Variants in HCN1 observed in about 807,000 individuals in gnomAD.
HCN1 encodes hyperpolarization activated cyclic nucleotide gated potassium channel 1.
In HCN1, 13 loss-of-function variants were observed where a neutral mutation model predicts 78.9. That is an observed-to-expected ratio of 0.16 (90% CI 0.11 to 0.26). HCN1 has a LOEUF of 0.26. Among genes scored for constraint, HCN1 ranks in the 10% least tolerant of loss-of-function variants. The pLI, the probability that HCN1 is intolerant of heterozygous loss-of-function variation, is 1.00. For synonymous variants in HCN1, 552 were observed against 455.5 expected (o/e 1.21, Z -2.70); for missense variants, 810 against 1,154.3 (o/e 0.70, Z 4.32).
chr5:45,315,278 C>T (rs561690281), intron 5 of HCN1, among the ~76,000 whole-genome samples: 2 of 152,304 alleles, frequency 1.3e-5, no homozygotes, highest in East Asian at 3.9e-4. Flanking sequence ...AACCGCTCAA[C>T]TACATGGAAA....
At chr5:45,308,634 G>T (rs1745786388) in intron 5 of HCN1, among the ~76,000 whole-genome samples, 1 of 152,000 alleles carries the variant, frequency 6.6e-6, no homozygotes, top group Non-Finnish European at 1.5e-5. Context: ...TATATATCAT[G>T]CATTTTCAAT....
In HCN1 at chr5:45,295,648, T is replaced by A. The variant is rs1161508509; in HGVS notation, c.1618+7951A>T. On this transcript the variant is annotated intron_variant, in intron 6 of 7. Transcript: ENST00000303230. ...TGAGTTTGATCTTTCTTTAAATAAG[T>A]CTCCTTAGCTTACTATTCTGCCCTC... Among the ~76,000 whole-genome samples, 3 of 152,140 alleles carry A rather than the reference T, an allele frequency of 2.0e-5. No individual in the cohort carries two copies. The East Asian group carries it at 5.8e-4, about 30-fold the overall frequency.
intron 2 of HCN1, among the ~76,000 whole-genome samples, chr5:45,541,101 A>G (rs191085432): frequency 4.6e-5 from 7 of 152,338 alleles, no homozygotes; most frequent in Non-Finnish European, 1.0e-4. Context: ...GAGAAGACCT[A>G]AACTATTGCC....
chr5:45,695,626 G>C, intron 1 of HCN1, 43 bp downstream of exon 1: 1 of 1,589,514 alleles, frequency 6.3e-7, no homozygotes, highest in African/African-American at 1.3e-5. Context: ...GCGTTTCAGG[G>C]CGCGCCTGAA....
intron 6 of HCN1, among the ~76,000 whole-genome samples, chr5:45,292,286 C>T (rs1579784270): frequency 6.6e-6 from 1 of 151,940 alleles, no homozygotes; most frequent in African/African-American, 2.4e-5. Context: ...TGGCTATTAA[C>T]ATTTAATTCA....
chr5:45,567,404 T>G (rs1209596582), intron 2 of HCN1, among the ~76,000 whole-genome samples: 5 of 152,000 alleles, frequency 3.3e-5, no homozygotes, highest in Non-Finnish European at 5.9e-5. Context: ...GTGAGGAATA[T>G]CCATAAAAAA....
At chr5:45,376,254 ATATAGAATATATAT>A in intron 4 of HCN1, among the ~76,000 whole-genome samples, 8 of 137,136 alleles carry the variant, frequency 5.8e-5, no homozygotes, top group African/African-American at 2.1e-4. Flanking sequence ...TCTATATAGA[ATATAGAATATATAT>A]TCTATATAGA....
chr5:45,375,723 T>A (rs1221856334), intron 4 of HCN1, among the ~76,000 whole-genome samples: 1 of 115,600 alleles, frequency 8.7e-6, no homozygotes, highest in Admixed American at 1.0e-4. Context: ...ATATATAATA[T>A]CATATTTTAT....
chr5:45,386,421 C>G (rs1424553071), intron 4 of HCN1, among the ~76,000 whole-genome samples: 1 of 152,098 alleles, frequency 6.6e-6, no homozygotes, highest in African/African-American at 2.4e-5. Flanking sequence ...TCAAGCAATC[C>G]TCCTGCCTTG....
At chr5:45,358,544 G>A (rs1358502962) in intron 4 of HCN1, among the ~76,000 whole-genome samples, 1 of 151,960 alleles carries the variant, frequency 6.6e-6, no homozygotes, top group Non-Finnish European at 1.5e-5. Context: ...TACATTCACT[G>A]TACCTATTTA....
At chr5:45,271,842 C>T (rs1414770345) in intron 6 of HCN1, among the ~76,000 whole-genome samples, 4 of 152,064 alleles carry the variant, frequency 2.6e-5, no homozygotes, top group Admixed American at 2.6e-4. Flanking sequence ...AACAAAGTCC[C>T]TTCAAAAGTT....
chr5:45,340,382 CT>C (rs1192692755), intron 5 of HCN1, among the ~76,000 whole-genome samples: 47 of 152,280 alleles, frequency 3.1e-4, no homozygotes, highest in African/African-American at 9.9e-4. Flanking sequence ...TTTCTGCAGT[CT>C]TTCAATGAGA....
intron 1 of HCN1, among the ~76,000 whole-genome samples, chr5:45,657,302 A>T (rs1186492922): frequency 2.0e-5 from 3 of 152,214 alleles, no homozygotes; most frequent in African/African-American, 4.8e-5. Context: ...GAACTCATGT[A>T]TGTATGTTTC....
At chr5:45,548,861 CAG>C (rs1743291440) in intron 2 of HCN1, among the ~76,000 whole-genome samples, 1 of 151,554 alleles carries the variant, frequency 6.6e-6, no homozygotes, top group African/African-American at 2.4e-5. Context: ...AACAGACAAA[CAG>C]AGAGCCAAAT....
intron 3 of HCN1, among the ~76,000 whole-genome samples, chr5:45,458,874 T>C (rs1741084686): frequency 6.6e-6 from 1 of 152,128 alleles, no homozygotes; most frequent in South Asian, 2.1e-4. Context: ...ATATAGTAAG[T>C]GTATTAAATA....
At chr5:45,406,944 TA>T (rs1739938050) in intron 3 of HCN1, among the ~76,000 whole-genome samples, 1 of 152,180 alleles carries the variant, frequency 6.6e-6, no homozygotes, top group Non-Finnish European at 1.5e-5. Context: ...TCTTTCCACC[TA>T]ACCCCAAAGC....
At chr5:45,370,536 T>G (rs910358720) in intron 4 of HCN1, among the ~76,000 whole-genome samples, 1 of 152,032 alleles carries the variant, frequency 6.6e-6, no homozygotes, top group African/African-American at 2.4e-5. Context: ...ATTGCTACCT[T>G]TATAAATTAA....
intron 2 of HCN1, among the ~76,000 whole-genome samples, chr5:45,538,784 C>A (rs969351095): frequency 2.6e-5 from 4 of 152,114 alleles, no homozygotes; most frequent in Non-Finnish European, 4.4e-5. Context: ...AAAAAGATTT[C>A]TTGTAGCAAG....
intron 4 of HCN1, among the ~76,000 whole-genome samples, chr5:45,391,779 A>G (rs1213633516): frequency 6.6e-6 from 1 of 152,142 alleles, no homozygotes; most frequent in Non-Finnish European, 1.5e-5. Flanking sequence ...TCATTTCTAA[A>G]AAGTGATCTG....
Sources: allele counts gnomAD v4.1 joint callset (sites outside exome capture counted in the v4.1 genomes callset), GRCh38; gene constraint gnomAD v4.1.1; transcripts MANE v1.5; gene names NCBI Gene and HGNC (gene_info 2026-07-23, HGNC 2026-07-21).